The following SEMA3A variants were observed in gnomAD, a reference collection of about 807,000 sequenced individuals.
The protein encoded by SEMA3A is semaphorin-3A.
In SEMA3A, 29 loss-of-function variants were observed where a neutral mutation model predicts 97.9. The observed-to-expected ratio is 0.30, with a 90% CI of 0.22 to 0.40. SEMA3A has a LOEUF of 0.40. SEMA3A is among the 10% of genes least tolerant of loss of function. SEMA3A has a pLI of 1.00. For synonymous variants in SEMA3A, 321 were observed against 323.7 expected, an observed-to-expected ratio of 0.99 and a Z score of 0.09; for missense variants, 763 against 951.3, an observed-to-expected ratio of 0.80 and a Z score of 2.60.
chr7:84,489,572 C>CA lies in SEMA3A; in HGVS notation c.-246+2887dup, dbSNP rs1025089208. Among the ~76,000 whole-genome samples, 22 of 151,898 alleles carry CA rather than the reference C, an allele frequency of 1.4e-4. 1 individual carries two copies. Among genetic ancestry groups the CA allele is most frequent in the African/African-American group, 4.3e-4 (18 of 41,438 alleles). On this transcript the variant is annotated intron_variant, in intron 1 of 3. Transcript: ENST00000424555. ...GAAGTAGTTGGCTTCCAACTCAGAG[C>CA]AAAAAAATGGAATCTTGAATAATGG... is the stretch of plus-strand genomic sequence containing the variant.
intron 1 of SEMA3A, among the ~76,000 whole-genome samples, chr7:84,163,500 T>A (rs957682427): frequency 2.6e-5 from 4 of 152,110 alleles, no homozygotes; most frequent in African/African-American, 9.7e-5. Context: ...TGACTCAAAA[T>A]TCAGCTTAAA....
chr7:84,433,816 C>T (rs1805050130), intron 1 of SEMA3A, among the ~76,000 whole-genome samples: 1 of 152,146 alleles, frequency 6.6e-6, no homozygotes, highest in South Asian at 2.1e-4. Flanking sequence ...ATTTGCATTT[C>T]TCTAATGAGC....
At chr7:84,127,618 C>T (rs1468427812) in intron 3 of SEMA3A, among the ~76,000 whole-genome samples, 1 of 152,202 alleles carries the variant, frequency 6.6e-6, no homozygotes, top group South Asian at 2.1e-4. Flanking sequence ...TGCTAATGTA[C>T]AGGTATTAAG....
chr7:84,437,489 AT>A (rs1270373006), intron 1 of SEMA3A, among the ~76,000 whole-genome samples: 5 of 151,494 alleles, frequency 3.3e-5, no homozygotes, highest in African/African-American at 1.2e-4. Context: ...ATTAGAGCAT[AT>A]TTTATTTAAA....
At chr7:84,001,215 T>C (rs1322571134) in intron 12 of SEMA3A, among the ~76,000 whole-genome samples, 1 of 152,166 alleles carries the variant, frequency 6.6e-6, no homozygotes, top group African/African-American at 2.4e-5. Context: ...AAACTATTTC[T>C]ATTAGCTGAC....
At chr7:84,055,535 G>A (rs539096951) in intron 5 of SEMA3A, among the ~76,000 whole-genome samples, 2 of 152,320 alleles carry the variant, frequency 1.3e-5, no homozygotes, top group South Asian at 2.1e-4. Flanking sequence ...CGCTTCCCGA[G>A]TGAGGCTATG....
chr7:84,238,293 C>T (rs1799281225), intron 3 of SEMA3A, among the ~76,000 whole-genome samples: 1 of 152,066 alleles, frequency 6.6e-6, no homozygotes, highest in Non-Finnish European at 1.5e-5. Flanking sequence ...CCTTGAACTC[C>T]TGACCTCAGG....
chr7:84,240,477 A>G (rs779793414), intron 3 of SEMA3A, among the ~76,000 whole-genome samples: 2 of 152,190 alleles, frequency 1.3e-5, no homozygotes, highest in Non-Finnish European at 2.9e-5. Flanking sequence ...GGAAGTAGAA[A>G]GAAAGATTTG....
chr7:84,273,376 C>A (rs1030070446), intron 3 of SEMA3A, among the ~76,000 whole-genome samples: 2 of 152,002 alleles, frequency 1.3e-5, no homozygotes, highest in African/African-American at 4.8e-5. Context: ...ACTAAAAGTT[C>A]TTTAGTTTAA....
At chr7:84,311,489 G>A (rs1390512435) in intron 2 of SEMA3A, among the ~76,000 whole-genome samples, 1 of 151,806 alleles carries the variant, frequency 6.6e-6, no homozygotes, top group African/African-American at 2.4e-5. Flanking sequence ...AGCAAATGTA[G>A]AAGTAATAAT....
chr7:84,188,452 C>G (rs2116259415), intron 1 of SEMA3A, among the ~76,000 whole-genome samples: 1 of 152,016 alleles, frequency 6.6e-6, no homozygotes, highest in Non-Finnish European at 1.5e-5. Flanking sequence ...CTTCTATATG[C>G]TTAATTAAGA....
intron 1 of SEMA3A, among the ~76,000 whole-genome samples, chr7:84,453,590 A>G (rs948420935): frequency 4.6e-5 from 7 of 152,134 alleles, no homozygotes; most frequent in African/African-American, 1.4e-4. Context: ...CACACAGTGA[A>G]ATGCTACTTT....
chr7:84,470,544 G>A (rs1234375376), intron 1 of SEMA3A, among the ~76,000 whole-genome samples: 1 of 152,084 alleles, frequency 6.6e-6, no homozygotes, highest in African/African-American at 2.4e-5. Context: ...TACCTTTGCC[G>A]TGCCCTAGTG....
intron 1 of SEMA3A, among the ~76,000 whole-genome samples, chr7:84,407,765 A>T (rs1428737664): frequency 1.3e-5 from 2 of 152,208 alleles, no homozygotes; most frequent in African/African-American, 4.8e-5. Context: ...CTGATCTTTG[A>T]CAAACCTGAC....
intron 1 of SEMA3A, among the ~76,000 whole-genome samples, chr7:84,450,390 G>C (rs1022683603): frequency 2.0e-5 from 3 of 152,084 alleles, no homozygotes; most frequent in African/African-American, 7.2e-5. Context: ...GGAACTTTCT[G>C]GAAAAACCTG....
rs186089518 is a variant in SEMA3A at position 84,411,928 on chromosome 7, T to A, written c.-245-40028A>T. Among the ~76,000 whole-genome samples, 257 of 152,272 alleles carry A rather than the reference T, an allele frequency of 1.7e-3. 2 individuals carry two copies. The highest frequency in any genetic ancestry group is 5.8e-3 in the African/African-American group (242 of 41,578). On this transcript the variant is annotated intron_variant, in intron 1 of 3. Coordinates refer to the SEMA3A transcript ENST00000424555. ...ATAGACACCTTGTATCTCTCTCCAT[T>A]ATTCCATTCTTTTGTGGTTCTTCCT...
intron 2 of SEMA3A, among the ~76,000 whole-genome samples, chr7:84,319,824 G>A (rs1435196195): frequency 2.0e-5 from 3 of 152,042 alleles, no homozygotes; most frequent in African/African-American, 7.2e-5. Context: ...AAAAGCACAT[G>A]TATTGCTAAA....
intron 4 of SEMA3A, among the ~76,000 whole-genome samples, chr7:84,069,650 T>C (rs534250664): frequency 2.6e-5 from 4 of 152,136 alleles, no homozygotes; most frequent in Non-Finnish European, 5.9e-5. Context: ...ATTATTTTTC[T>C]AATATGAGAC....
intron 16 of SEMA3A, 72 bp downstream of exon 16, chr7:83,963,133 G>T: frequency 6.5e-7 from 1 of 1,533,810 alleles, no homozygotes; most frequent in Non-Finnish European, 8.9e-7. Flanking sequence ...CTTTCCTCAA[G>T]TGAAAAATAC....
Sources: allele counts gnomAD v4.1 joint callset (sites outside exome capture counted in the v4.1 genomes callset), GRCh38; gene constraint gnomAD v4.1.1; transcripts MANE v1.5; gene names NCBI Gene and HGNC (gene_info 2026-07-23, HGNC 2026-07-21).